RSPH1: variants seen among roughly 807,000 people sequenced by gnomAD.
RSPH1 encodes the protein radial spoke head 1 homolog.
A neutral mutation model predicts 44.2 loss-of-function variants in RSPH1; 32 were observed. That is an observed-to-expected ratio of 0.72 (90% CI 0.55 to 0.97). RSPH1 has a LOEUF of 0.97. Ranked by LOEUF, RSPH1 falls within the 50% of genes least tolerant of loss-of-function variation. The pLI, the probability that RSPH1 is intolerant of heterozygous loss-of-function variation, is 0.00. For synonymous variants in RSPH1, 134 were observed against 147.3 expected, an observed-to-expected ratio of 0.91 and a Z score of 0.65; for missense variants, 391 against 398.7, an observed-to-expected ratio of 0.98 and a Z score of 0.16.
intron 6 of RSPH1, among the ~76,000 whole-genome samples, chr21:42,480,415 T>C (rs1193561699): frequency 1.8e-4 from 28 of 152,090 alleles, no homozygotes; most frequent in East Asian, 5.8e-4. Context: ...GCTGAGGCAG[T>C]GGATCATCTG....
Position 42,477,457 on chromosome 21 carries a change from C to G in RSPH1, c.574-13G>C. On this transcript the variant is annotated splice_polypyrimidine_tract_variant and intron_variant, in intron 6 of 8. Transcript: ENST00000291536. ...CTTCTCCTCTTTCCTATTTTAAGTG[C>G]AAAAATGTACATTTACCAACATTTG... 1.2e-6 allele frequency: 2 copies of G among 1,611,506 alleles called. No individual in the cohort carries two copies. The highest frequency in any genetic ancestry group is 1.7e-6 in the Non-Finnish European group (2 of 1,178,182).
intron 3 of RSPH1, among the ~76,000 whole-genome samples, chr21:42,491,295 G>A (rs1000712173): frequency 6.6e-6 from 1 of 152,194 alleles, no homozygotes; most frequent in African/African-American, 2.4e-5. Flanking sequence ...TCTGGGTGGT[G>A]TCAGAATGGA....
At chr21:42,489,029 CTGGT>C (rs200462097) in intron 3 of RSPH1, among the ~76,000 whole-genome samples, 2 of 150,200 alleles carry the variant, frequency 1.3e-5, no homozygotes, top group African/African-American at 4.9e-5. Context: ...TGTTGGTTAA[CTGGT>C]TGGTTGGTTG....
intron 1 of RSPH1, 142 bp from the exon 2 acceptor site, chr21:42,493,221 A>G: frequency 1.4e-6 from 1 of 740,416 alleles, no homozygotes; most frequent in East Asian, 2.6e-5. Flanking sequence ...CACCTTTCCC[A>G]CCTTAAAGTT....
chr21:42,475,770 C>T (rs971179830), intron 8 of RSPH1, 128 bp downstream of exon 8: 15 of 968,218 alleles, frequency 1.5e-5, no homozygotes, highest in Admixed American at 2.8e-5. Context: ...TCACAGGGGG[C>T]CCCCTAAGCC....
Position 42,477,401 on chromosome 21 carries a change from A to G in RSPH1, c.617T>C (p.Val206Ala), listed in dbSNP as rs773117402. The change falls in exon 7 of 9, where the codon GTT (valine) becomes GCT (alanine). Residue 206 changes from valine (V) to alanine (A), a missense_variant. Transcript: ENST00000291536. ...GATTTGGGTAGCTTTCCATTTTGGA[A>G]CAACAGTTACTAATTCTTCCTCCTC... ...EEEEEELVTV[V>A]PKWKATQITE... 6.2e-7 allele frequency: 1 copy of G among 1,614,168 alleles called. No individual in the cohort carries two copies. Among genetic ancestry groups the G allele is most frequent in the East Asian group, 2.2e-5 (1 of 44,896 alleles).
chr21:42,485,300 C>T (rs2054167781), intron 5 of RSPH1: 2 of 185,222 alleles, frequency 1.1e-5, no homozygotes, highest in Admixed American at 1.1e-4. Context: ...GGAAACAAAA[C>T]CCAAACACCT....
rs374688679 is a variant in RSPH1 at position 42,477,285 on chromosome 21, C to T, written c.727+6G>A. The T allele has an allele frequency of 6.2e-6, 10 of 1,613,114 alleles. No individual in the cohort carries two copies. In the African/African-American group the frequency reaches 6.7e-5, roughly 11 times the overall value. On this transcript the variant is annotated splice_donor_region_variant and intron_variant, in intron 7 of 8. Coordinates refer to ENST00000291536, the MANE Select transcript of RSPH1 (RefSeq NM_080860.4). The stretch of plus-strand genomic sequence containing the variant: ...CTCCACCCCACAGCCCGGGGGTGCC[C>T]CACACTCTCAGCTCCTGGAGCGTCT...
chr21:42,493,010 C>A lies in RSPH1; in HGVS notation c.124G>T (p.Asp42Tyr), dbSNP rs1479035263. The change falls in exon 2 of 9, where the codon GAC becomes TAC. Residue 42 changes from aspartate to tyrosine, a missense_variant. Coordinates refer to ENST00000291536, the MANE Select transcript of RSPH1 (RefSeq NM_080860.4). Reference sequence around the variant, plus strand: ...AATTCGTAGCTCCCTTCGTAGGTGTCCCCGTTGGGTAGCCGTGCCCTCCCA... The same window carrying A: ...AATTCGTAGCTCCCTTCGTAGGTGTACCCGTTGGGTAGCCGTGCCCTCCCA... Reference protein sequence around the residue: ...GRGRARLPNGDTYEGSYEFGK... With the variant: ...GRGRARLPNGYTYEGSYEFGK... 1.9e-6 allele frequency: 3 copies of A among 1,614,208 alleles called. No homozygotes were observed. The highest frequency in any genetic ancestry group is 2.5e-6 in the Non-Finnish European group (3 of 1,180,024).
Position 42,481,720 on chromosome 21 carries a change from G to A in RSPH1, c.573+917C>T, listed in dbSNP as rs187372513. Among the ~76,000 whole-genome samples, 276 of 152,270 alleles carry A rather than the reference G, an allele frequency of 1.8e-3. 5 individuals are homozygous for A. The highest frequency in any genetic ancestry group is 6.1e-3 in the African/African-American group (252 of 41,544). On this transcript the variant is annotated intron_variant, in intron 6 of 8. Coordinates refer to ENST00000291536, the MANE Select transcript of RSPH1 (RefSeq NM_080860.4). ...ACCAGTACCAGGGTCAGGAAATGTTGCTGAATTGCTAATTATCTAGAGGGA... is the reference window on the plus strand; with the variant it reads ...ACCAGTACCAGGGTCAGGAAATGTTACTGAATTGCTAATTATCTAGAGGGA...
At chr21:42,477,811 T>C (rs2054084690) in intron 6 of RSPH1, among the ~76,000 whole-genome samples, 1 of 152,230 alleles carries the variant, frequency 6.6e-6, no homozygotes, top group Non-Finnish European at 1.5e-5. Flanking sequence ...GTCTTTTCAA[T>C]TGTTCGGCCA....
At chr21:42,473,849 G>A (rs1415403885) in intron 8 of RSPH1, among the ~76,000 whole-genome samples, 1 of 152,120 alleles carries the variant, frequency 6.6e-6, no homozygotes, top group Non-Finnish European at 1.5e-5. Flanking sequence ...GAAGATGCCA[G>A]CAGCACCTCC....
At chr21:42,485,123 C>T (rs1261977430) in intron 5 of RSPH1, 1 of 152,842 alleles carries the variant, frequency 6.5e-6, no homozygotes, top group Non-Finnish European at 1.5e-5. Flanking sequence ...GTCTTCCAAA[C>T]AGAAACGGCC....
At chr21:42,483,104 A>G (rs901085364) in intron 5 of RSPH1, among the ~76,000 whole-genome samples, 1 of 152,184 alleles carries the variant, frequency 6.6e-6, no homozygotes, top group Non-Finnish European at 1.5e-5. Context: ...ATTTTTACTG[A>G]GAAATATGGC....
At position 42,486,507 on chromosome 21, in the gene RSPH1, C is replaced by T. The variant is rs147298891; in HGVS notation, c.275-46G>A. Reference sequence around the variant, plus strand: ...GCAAGCCCAGGTGAGAAGAAGGGATCGATGCCCTGTACCATGTCTTCAAAT... The same window carrying T: ...GCAAGCCCAGGTGAGAAGAAGGGATTGATGCCCTGTACCATGTCTTCAAAT... On this transcript the variant is annotated intron_variant, in intron 3 of 8. Transcript: ENST00000291536. 3.3e-5 allele frequency: 44 copies of T among 1,325,210 alleles called. 1 individual carries two copies. The highest frequency in any genetic ancestry group is 3.0e-4 in the African/African-American group (21 of 69,344). The allele number at this position is 1,325,210 out of a possible 1,614,324, so 82.1% of individuals were successfully genotyped here. A position where few individuals can be genotyped will look rare whatever the true frequency, so the allele number is the denominator to read the frequency against.
At chr21:42,496,004 C>T in intron 1 of RSPH1, 129 bp downstream of exon 1, 2 of 1,052,740 alleles carry the variant, frequency 1.9e-6, no homozygotes, top group African/African-American at 1.6e-5. Context: ...GCCTTCGTCC[C>T]TGCCGGGGAT....
In RSPH1 at chr21:42,475,919, ACTC is replaced by A. The variant is rs562822292; in HGVS notation, c.853_855del (p.Glu285del). The A allele has an allele frequency of 2.2e-4, 351 of 1,607,900 alleles. No individual in the cohort carries two copies. The highest frequency in any genetic ancestry group is 2.9e-4 in the Non-Finnish European group (337 of 1,178,536). The stretch of plus-strand genomic sequence containing the variant: ...TCACCCTCATCCATGTCATAGCGGA[ACTC>A]CTCCTGGTCATACTCCCGGCTCTCT... On this transcript the variant is annotated inframe_deletion, in exon 8 of 9. Coordinates refer to ENST00000291536, the MANE Select transcript of RSPH1 (RefSeq NM_080860.4).
rs1051542576 is a variant in RSPH1 at position 42,474,469 on chromosome 21, G to T, written c.877+1429C>A. ...CTTCCCATTAGGTGCTAGAGGGCGA[G>T]AGCCCAGCCCCTCACTCCCACACTG... On this transcript the variant is annotated intron_variant, in intron 8 of 8. Transcript: ENST00000291536. This position sits in a 1 kb window ranked among gnomAD's most constrained non-coding sequence, Gnocchi z 5.2. Among the ~76,000 whole-genome samples, 2 of 152,160 alleles carry T rather than the reference G, an allele frequency of 1.3e-5. No homozygotes were observed. Among genetic ancestry groups the T allele is most frequent in the African/African-American group, 4.8e-5 (2 of 41,410 alleles).
At chr21:42,491,569 T>C (rs912729983) in intron 3 of RSPH1, among the ~76,000 whole-genome samples, 1 of 152,230 alleles carries the variant, frequency 6.6e-6, no homozygotes, top group Admixed American at 6.5e-5. Flanking sequence ...CCAAATTAAA[T>C]TGTTTAAAGT....
Sources: gnomAD v4.1 joint callset for allele counts (sites outside exome capture counted in the v4.1 genomes callset) on GRCh38, gnomAD v4.1.1 for gene constraint, Gnocchi (gnomAD v3.1) non-coding constraint, MANE v1.5 for transcripts, NCBI Gene and HGNC (gene_info 2026-07-23, HGNC 2026-07-21) for gene names.